Variants in PIGS observed in about 807,000 individuals in gnomAD.
PIGS encodes phosphatidylinositol glycan anchor biosynthesis class S, also known as GPI-anchor transamidase component PIGS.
Under a neutral mutation model 58.2 loss-of-function variants are expected in PIGS, and 37 were observed. The ratio of observed to expected loss-of-function variants is 0.64; its 90% CI spans 0.49 to 0.84. The LOEUF (loss-of-function observed/expected upper bound fraction) is 0.84. PIGS is among the 40% of genes least tolerant of loss of function. The pLI is 0.00. For synonymous variants in PIGS, 269 were observed against 289.2 expected (o/e 0.93, Z 0.71); for missense variants, 629 against 710.8 (o/e 0.88, Z 1.31).
chr17:28,556,978 G>A lies in PIGS; in HGVS notation c.935-6C>T, dbSNP rs373626354. On this transcript the variant is annotated splice_polypyrimidine_tract_variant and splice_region_variant and intron_variant, in intron 8 of 11. Coordinates refer to ENST00000308360, the MANE Select transcript of PIGS (RefSeq NM_033198.4). ...CAAGGAGGCAGCACTGGATCCTGTG[G>A]TATAAAGGGAAAGCAGAATATCAAA... is the stretch of plus-strand genomic sequence containing the variant. 50 of 1,613,766 alleles carry A rather than the reference G, an allele frequency of 3.1e-5. No individual in the cohort carries two copies. Among genetic ancestry groups the A allele is most frequent in the Non-Finnish European group, 3.7e-5 (44 of 1,179,930 alleles).
At position 28,561,054 on chromosome 17, in the gene PIGS, G is replaced by A. The variant is rs189626902; in HGVS notation, c.676+368C>T. On this transcript the variant is annotated intron_variant, in intron 6 of 11. Coordinates refer to ENST00000308360, the MANE Select transcript of PIGS (RefSeq NM_033198.4). ...GGGCAGATCACGAGGTCAGGAGATC[G>A]AGACCATCCTGGCTAACACAGTGAA... 1.6e-3 allele frequency among the ~76,000 whole-genome samples: 244 copies of A among 151,992 alleles called. 2 individuals carry two copies. Among genetic ancestry groups the A allele is most frequent in the African/African-American group, 5.0e-3 (209 of 41,494 alleles).
chr17:28,561,535 T>A lies in PIGS; in HGVS notation c.563A>T (p.Gln188Leu), dbSNP rs778609669. ...AGTCAAAGACATGGCCTGGGCCACC[T>A]GGACTATGCGGCGGCCAATGATGTT... ...AFNIIGRRIVQVAQAMSLTED... is the reference protein window; with the variant it reads ...AFNIIGRRIVLVAQAMSLTED... The change falls in exon 6 of 12, where the codon CAG (glutamine) becomes CTG (leucine). Residue 188 changes from glutamine (Q) to leucine (L), a missense_variant. By Grantham distance (113) the Gln-to-Leu change is moderately radical. Transcript: ENST00000308360. 6.2e-7 allele frequency: 1 copy of A among 1,614,000 alleles called. No individual in the cohort carries two copies. Among genetic ancestry groups the A allele is most frequent in the East Asian group, 2.2e-5 (1 of 44,894 alleles).
At position 28,554,238 on chromosome 17, in the gene PIGS, C is replaced by G. The variant is rs773427880; in HGVS notation, c.1650G>C (p.Lys550Asn). Reference sequence around the variant, plus strand: ...GCCCTGCTCAGTCTGTCTTCTCAGGCTTTCTCCAGGACTTGCGGGTCTCCA... The same window carrying G: ...GCCCTGCTCAGTCTGTCTTCTCAGGGTTTCTCCAGGACTTGCGGGTCTCCA... ...IFLETRKSWRKPEKTD is the reference protein window; with the variant it reads ...IFLETRKSWRNPEKTD Residue 550 changes from lysine (K) to asparagine (N), a missense_variant, in exon 12 of 12, where the codon AAG becomes AAC. Transcript: ENST00000308360. 1.5e-5 allele frequency: 25 copies of G among 1,614,040 alleles called. No individual in the cohort carries two copies. The highest frequency in any genetic ancestry group is 1.8e-5 in the Non-Finnish European group (21 of 1,180,042).
intron 9 of PIGS, 55 bp from the exon 10 acceptor site, chr17:28,556,321 G>A: frequency 7.6e-7 from 1 of 1,323,128 alleles, no homozygotes; most frequent in South Asian, 1.2e-5. Flanking sequence ...GCACAGCTCT[G>A]CCCTAGGCAC....
At chr17:28,564,793 G>A (rs1484545090) in intron 3 of PIGS, among the ~76,000 whole-genome samples, 1 of 151,626 alleles carries the variant, frequency 6.6e-6, no homozygotes, top group African/African-American at 2.4e-5. Flanking sequence ...GTGGGAGGAT[G>A]ACTTGAGCCT....
chr17:28,557,201 T>G, intron 8 of PIGS: 1 of 510,086 alleles, frequency 2.0e-6, no homozygotes, highest in Non-Finnish European at 3.4e-6. Context: ...CCCCGAATTC[T>G]CCCTCCTCAA....
At chr17:28,558,363 G>A in intron 8 of PIGS, 113 bp downstream of exon 8, 1 of 865,920 alleles carries the variant, frequency 1.2e-6, no homozygotes, top group South Asian at 1.6e-5. Context: ...ACCCAACCTG[G>A]GAACCATCAC....
intron 3 of PIGS, among the ~76,000 whole-genome samples, chr17:28,569,112 A>G (rs546372924): frequency 7.3e-4 from 110 of 151,686 alleles, no homozygotes; most frequent in Middle Eastern, 3.4e-3. Flanking sequence ...AAAAAAAAAA[A>G]AAAGAAAGAA....
chr17:28,569,133 T>C (rs969961429), intron 3 of PIGS, among the ~76,000 whole-genome samples: 1 of 149,808 alleles, frequency 6.7e-6, no homozygotes, highest in Non-Finnish European at 1.5e-5. Flanking sequence ...AACCAGAAGT[T>C]TGTGTGTGTA....
At chr17:28,569,474 C>CAAAAA (rs767305172) in intron 3 of PIGS, among the ~76,000 whole-genome samples, 25 of 65,924 alleles carry the variant, frequency 3.8e-4, no homozygotes, top group Non-Finnish European at 4.7e-4. Flanking sequence ...GACCCTTTCT[C>CAAAAA]AAAAAAAAAA....
Position 28,561,505 on chromosome 17 carries a change from T to C in PIGS, c.593A>G (p.Asp198Gly). The change falls in exon 6 of 12, where the codon GAT (aspartate) becomes GGT (glycine). Residue 198 changes from aspartate to glycine, a missense_variant. Asp to Gly is a moderately conservative substitution (Grantham distance 94). Transcript: ENST00000308360. ...GTCAGCCAGAGCAGCAGCAAGCACA[T>C]CCTCAGTCAAAGACATGGCCTGGGC... ...QVAQAMSLTE[D>G]VLAAALADHL... 1 of 1,614,106 alleles carries C rather than the reference T, an allele frequency of 6.2e-7. No homozygotes were observed. The highest frequency in any genetic ancestry group is 8.5e-7 in the Non-Finnish European group (1 of 1,179,976).
Position 28,556,908 on chromosome 17 carries a change from G to A in PIGS, c.999C>T (p.His333=), listed in dbSNP as rs1345059587. Residue 333 remains histidine (H), a synonymous_variant, in exon 9 of 12, where the codon CAC becomes CAT. Coordinates refer to ENST00000308360, the MANE Select transcript of PIGS (RefSeq NM_033198.4). The part of the protein sequence containing the change: ...NFLLYVPELA[H]SPLYIQDKDG... ...CCTTGTCCTGAATGTACAGCGGTGA[G>A]TGTGCAAGCTCAGGCACGTAGAGTA... 1 of 1,614,222 alleles carries A rather than the reference G, an allele frequency of 6.2e-7. No homozygotes were observed. Among genetic ancestry groups the A allele is most frequent in the Admixed American group, 1.7e-5 (1 of 60,028 alleles).
At chr17:28,554,701 C>G (rs778011806) in intron 11 of PIGS, 150 bp downstream of exon 11, 12 of 1,204,642 alleles carry the variant, frequency 1.0e-5, no homozygotes, top group Non-Finnish European at 1.3e-5. Context: ...TGCTTGGGGG[C>G]TGGTACTGCC....
chr17:28,557,885 C>T (rs1016628061), intron 8 of PIGS, among the ~76,000 whole-genome samples: 7 of 152,336 alleles, frequency 4.6e-5, no homozygotes, highest in South Asian at 2.1e-4. Flanking sequence ...AGCCTCTCTC[C>T]TAGATGGCTT....
chr17:28,556,578 T>C (rs772336370), intron 9 of PIGS: 4 of 708,832 alleles, frequency 5.6e-6, no homozygotes, highest in South Asian at 3.1e-5. Context: ...AAGGCGAAGA[T>C]CTAAGATGGA....
intron 3 of PIGS, among the ~76,000 whole-genome samples, chr17:28,567,603 T>C (rs1236470316): frequency 6.6e-6 from 1 of 152,170 alleles, no homozygotes; most frequent in Admixed American, 6.5e-5. Context: ...TTAGGTGATA[T>C]TAAGGAATCA....
chr17:28,568,275 G>A (rs1368256210), intron 3 of PIGS, among the ~76,000 whole-genome samples: 2 of 151,914 alleles, frequency 1.3e-5, no homozygotes, highest in African/African-American at 2.4e-5. Flanking sequence ...GCTAATTTTT[G>A]TATTTTTAGT....
chr17:28,571,269 C>T, intron 1 of PIGS, 81 bp from the exon 2 acceptor site: 2 of 1,554,992 alleles, frequency 1.3e-6, no homozygotes, highest in South Asian at 2.4e-5. Context: ...AAGCCCCAAC[C>T]ACCGGCCTCC....
intron 7 of PIGS, among the ~76,000 whole-genome samples, chr17:28,558,825 A>C (rs2070346011): frequency 6.6e-6 from 1 of 152,228 alleles, no homozygotes. Context: ...AACAGTCTAC[A>C]CAAAGAGAGA....
Sources: allele counts gnomAD v4.1 joint callset (sites outside exome capture counted in the v4.1 genomes callset), GRCh38; gene constraint gnomAD v4.1.1; transcripts MANE v1.5; gene names NCBI Gene and HGNC (gene_info 2026-07-23, HGNC 2026-07-21).